Variants in SHISA9 observed in about 807,000 individuals in gnomAD.
The protein encoded by SHISA9 is protein shisa-9.
In SHISA9, 13 loss-of-function variants were observed where a neutral mutation model predicts 38.0. The ratio of observed to expected loss-of-function variants is 0.34; its 90% CI spans 0.22 to 0.54. SHISA9 has a LOEUF of 0.54. Ranked by LOEUF, SHISA9 falls within the 20% of genes least tolerant of loss-of-function variation. SHISA9 has a pLI of 0.91. For missense variants in SHISA9, 538 were observed against 575.8 expected, an observed-to-expected ratio of 0.93 and a Z score of 0.67; for synonymous variants, 275 against 242.0, an observed-to-expected ratio of 1.14 and a Z score of -1.27.
rs145100552 is a variant in SHISA9, at chr16:13,108,243, C to A, written c.692-95151C>A. 3.2e-3 allele frequency among the ~76,000 whole-genome samples: 494 copies of A among 152,200 alleles called. 1 individual carries two copies. Among genetic ancestry groups the A allele is most frequent in the African/African-American group, 0.011 (464 of 41,530 alleles). On this transcript the variant is annotated intron_variant, in intron 2 of 4. Transcript: ENST00000558583. Reference sequence around the variant, plus strand: ...TCCAGGACTCAAGTGATCCTCCTACCTCACCTTTTCGAGTAGCTGAGACTG... The same window carrying A: ...TCCAGGACTCAAGTGATCCTCCTACATCACCTTTTCGAGTAGCTGAGACTG...
At chr16:13,108,455 G>A (rs1401282049) in intron 2 of SHISA9, among the ~76,000 whole-genome samples, 1 of 152,012 alleles carries the variant, frequency 6.6e-6, no homozygotes, top group East Asian at 1.9e-4. Flanking sequence ...TTGGAGTCTT[G>A]GGGTCTTGCT....
chr16:13,129,758 G>GGAA (rs1470088651), intron 2 of SHISA9, among the ~76,000 whole-genome samples: 1 of 152,100 alleles, frequency 6.6e-6, no homozygotes, highest in African/African-American at 2.4e-5. Flanking sequence ...GTTCAGCAGG[G>GGAA]GAAGTCTGAC....
the SHISA9 span, among the ~76,000 whole-genome samples, chr16:13,454,255 A>C: frequency 1.3e-5 from 2 of 152,170 alleles, no homozygotes; most frequent in African/African-American, 4.8e-5. Context: ...CATGAAGGAG[A>C]TACTATGTCA....
the SHISA9 span, among the ~76,000 whole-genome samples, chr16:13,438,335 A>G: frequency 2.0e-5 from 3 of 152,216 alleles, no homozygotes; most frequent in East Asian, 5.8e-4. Context: ...GTGCTCAAAC[A>G]GTATCAGTTC....
chr16:13,406,558 C>T, the SHISA9 span, among the ~76,000 whole-genome samples: 1 of 152,186 alleles, frequency 6.6e-6, no homozygotes, highest in Admixed American at 6.5e-5. Flanking sequence ...TGTACTCCTT[C>T]TTCAAGAGCA....
At chr16:13,261,226 C>G in the SHISA9 span, among the ~76,000 whole-genome samples, 5 of 152,090 alleles carry the variant, frequency 3.3e-5, no homozygotes, top group Non-Finnish European at 7.3e-5. Context: ...ATGACATACT[C>G]TGTGATTGGG....
At chr16:13,100,699 C>T (rs117476476) in intron 2 of SHISA9, among the ~76,000 whole-genome samples, 3,146 of 152,176 alleles carry the variant, frequency 0.021, 52 homozygotes, top group Admixed American at 0.047. Flanking sequence ...TCTGCTTCTA[C>T]GAGTTTGGCT....
chr16:13,434,199 C>T, the SHISA9 span, among the ~76,000 whole-genome samples: 22 of 152,276 alleles, frequency 1.4e-4, no homozygotes, highest in African/African-American at 5.3e-4. Flanking sequence ...TCTACTCTTT[C>T]CACATTCCTC....
intron 2 of SHISA9, among the ~76,000 whole-genome samples, chr16:13,140,822 A>T (rs889547746): frequency 6.6e-6 from 1 of 152,204 alleles, no homozygotes; most frequent in Non-Finnish European, 1.5e-5. Context: ...AACACCCAAT[A>T]ACTAGACTAG....
the SHISA9 span, among the ~76,000 whole-genome samples, chr16:13,554,553 T>C: frequency 7.3e-5 from 11 of 150,244 alleles, no homozygotes; most frequent in South Asian, 4.2e-4. Context: ...GTACAGTAGT[T>C]CAATCTTGTC....
the SHISA9 span, among the ~76,000 whole-genome samples, chr16:13,546,036 T>G: frequency 6.6e-6 from 1 of 152,154 alleles, no homozygotes; most frequent in Non-Finnish European, 1.5e-5. Flanking sequence ...GAATTAACAA[T>G]GTAGGAAGGG....
intron 2 of SHISA9, among the ~76,000 whole-genome samples, chr16:13,142,754 C>T (rs887311288): frequency 1.3e-5 from 2 of 152,064 alleles, no homozygotes; most frequent in African/African-American, 4.8e-5. Flanking sequence ...GGGGATGTTT[C>T]CATGGTGATA....
At chr16:13,021,637 A>G (rs1393207151) in intron 2 of SHISA9, among the ~76,000 whole-genome samples, 1 of 152,232 alleles carries the variant, frequency 6.6e-6, no homozygotes, top group Non-Finnish European at 1.5e-5. Flanking sequence ...CTGAGCTCTG[A>G]TACCAATATT....
chr16:13,102,824 A>T (rs990234238), intron 2 of SHISA9, among the ~76,000 whole-genome samples: 3 of 152,180 alleles, frequency 2.0e-5, no homozygotes, highest in Non-Finnish European at 2.9e-5. Context: ...TCCGGGAAAA[A>T]TAACTATTAT....
chr16:13,305,196 C>A, the SHISA9 span, among the ~76,000 whole-genome samples: 2 of 152,198 alleles, frequency 1.3e-5, no homozygotes, highest in Non-Finnish European at 1.5e-5. Context: ...CCCCTGGGGA[C>A]GCTGAGTTTG....
At chr16:13,082,638 C>T (rs778453285) in intron 2 of SHISA9, 2 of 152,098 alleles carry the variant, frequency 1.3e-5, no homozygotes, top group Non-Finnish European at 1.5e-5. Context: ...AGATCAGTCC[C>T]GTCTAAACCA....
intron 2 of SHISA9, among the ~76,000 whole-genome samples, chr16:13,040,703 A>T (rs951671237): frequency 6.6e-6 from 1 of 152,218 alleles, no homozygotes; most frequent in African/African-American, 2.4e-5. Flanking sequence ...TTTGAAATTG[A>T]AAAATATTGA....
Position 13,213,263 on chromosome 16 carries a change from T to C in SHISA9, c.858T>C (p.Asp286=). The stretch of plus-strand genomic sequence containing the variant: ...TTGTTATTTTTTTAGGAAGTTCTGA[T>C]GGTGACTGGGCAGTATCGACACTTA... ...YASLKAVGSS[D]GDWAVSTLKS... Residue 286 remains aspartate, a synonymous_variant, in exon 4 of 5, where the codon GAT becomes GAC. Transcript: ENST00000558583. 1 of 1,551,888 alleles carries C rather than the reference T, an allele frequency of 6.4e-7. No homozygotes were observed. Among genetic ancestry groups the C allele is most frequent in the South Asian group, 1.2e-5 (1 of 84,044 alleles).
At chr16:13,458,437 C>T in the SHISA9 span, 1 of 388,744 alleles carries the variant, frequency 2.6e-6, no homozygotes, top group Non-Finnish European at 5.0e-6. Flanking sequence ...TGAAAACCTT[C>T]AGTCTCAGAT....
Sources: allele counts gnomAD v4.1 joint callset (sites outside exome capture counted in the v4.1 genomes callset), GRCh38; gene constraint gnomAD v4.1.1; transcripts MANE v1.5; gene names NCBI Gene and HGNC (gene_info 2026-07-23, HGNC 2026-07-21).